Variants in OGDHL observed in about 807,000 individuals in gnomAD.
OGDHL encodes 2-oxoglutarate dehydrogenase-like, mitochondrial.
Under a neutral mutation model 109.6 loss-of-function variants are expected in OGDHL, and 79 were observed. The observed-to-expected ratio is 0.72, with a 90% CI of 0.60 to 0.87. OGDHL has a LOEUF of 0.87. OGDHL is among the 40% of genes least tolerant of loss of function. OGDHL has a pLI of 0.00. For missense variants in OGDHL, 1,275 were observed against 1,362.2 expected, an observed-to-expected ratio of 0.94 and a Z score of 1.01; for synonymous variants, 528 against 537.2, an observed-to-expected ratio of 0.98 and a Z score of 0.24.
chr10:49,737,939 A>T lies in OGDHL; in HGVS notation c.2517+8T>A. ...GCCTGTGACCCCTGCCCTGGGACGG[A>T]GACTCACCGGCTTGCGGAAGGGCAG... On this transcript the variant is annotated splice_region_variant and intron_variant, in intron 19 of 22. Transcript: ENST00000374103. 6.2e-7 allele frequency: 1 copy of T among 1,614,080 alleles called. No homozygotes were observed.
At chr10:49,736,854 G>T (rs1171071475) in intron 20 of OGDHL, among the ~76,000 whole-genome samples, 1 of 152,118 alleles carries the variant, frequency 6.6e-6, no homozygotes, top group Admixed American at 6.5e-5. Context: ...CCTTGCTTCT[G>T]CCCAGCTGCG....
chr10:49,762,089 C>T (rs1221106777), intron 1 of OGDHL, 150 bp downstream of exon 1: 2 of 153,618 alleles, frequency 1.3e-5, no homozygotes, highest in Non-Finnish European at 2.9e-5. Flanking sequence ...ACAGTCTGTT[C>T]CTCCTCCCCC....
In OGDHL at chr10:49,745,407, A is replaced by G; in HGVS notation, c.1566T>C (p.Pro522=). Residue 522 remains proline, a synonymous_variant, in exon 12 of 23, where the codon CCT becomes CCC. Transcript: ENST00000374103. ...GCTTGTCTGCGTACTTCTTCAGCACAGGCACCTGTCTGTGGATCTGCTTGT... is the reference window on the plus strand; with the variant it reads ...GCTTGTCTGCGTACTTCTTCAGCACGGGCACCTGTCTGTGGATCTGCTTGT... The part of the protein sequence containing the change: ...LMYKQIHRQV[P]VLKKYADKLI... 1.2e-6 allele frequency: 2 copies of G among 1,614,160 alleles called. No homozygotes were observed. The highest frequency in any genetic ancestry group is 1.7e-6 in the Non-Finnish European group (2 of 1,180,028).
At chr10:49,748,894 G>C (rs1842393443) in intron 8 of OGDHL, among the ~76,000 whole-genome samples, 1 of 152,140 alleles carries the variant, frequency 6.6e-6, no homozygotes, top group African/African-American at 2.4e-5. Flanking sequence ...CGAAAGGGAA[G>C]ATGGGCAGGA....
Position 49,734,907 on chromosome 10 carries a change from G to A in OGDHL, c.*321C>T, listed in dbSNP as rs553161215. ...CAGCCAGGGCTGCCGGGATGGGAGC[G>A]GCCACAGACACAGGCCCCCGGGTGT... On this transcript the variant is annotated 3_prime_UTR_variant, in exon 23 of 23. Transcript: ENST00000374103. The A allele has an allele frequency of 7.6e-4, 150 of 197,552 alleles. 4 individuals carry two copies. In the East Asian group the frequency reaches 0.019, roughly 25 times the overall value. The allele number at this position is 197,552 out of a possible 1,614,324, so 12.2% of individuals were successfully genotyped here.
rs377624854 is a variant in OGDHL at position 49,739,712 on chromosome 10, C to A, written c.2268G>T (p.Trp756Cys). ...DQFISTGQAKWVRHNGIVLLL... is the reference protein window; with the variant it reads ...DQFISTGQAKCVRHNGIVLLL... ...GCAGCACAATGCCATTATGCCGCAC[C>A]CACTTGGCCTGGCCGGTGCTGATGA... Residue 756 changes from tryptophan to cysteine, a missense_variant, in exon 17 of 23, where the codon TGG (tryptophan) becomes TGT (cysteine). Transcript: ENST00000374103. 2 of 1,614,000 alleles carry A rather than the reference C, an allele frequency of 1.2e-6. No homozygotes were observed. The highest frequency in any genetic ancestry group is 1.7e-6 in the Non-Finnish European group (2 of 1,179,984).
intron 11 of OGDHL, 26 bp from the exon 12 acceptor site, chr10:49,745,522 G>A (rs374631622): frequency 6.4e-4 from 1,033 of 1,612,578 alleles, no homozygotes; most frequent in Non-Finnish European, 8.5e-4. Flanking sequence ...GAGGGGCTCA[G>A]GCCCTTCCCT....
intron 12 of OGDHL, 123 bp downstream of exon 12, chr10:49,745,221 G>C: frequency 2.3e-6 from 3 of 1,278,242 alleles, no homozygotes; most frequent in Non-Finnish European, 3.2e-6. Context: ...TTGGGGACAA[G>C]GACCATAGTG....
At chr10:49,761,924 G>C (rs1174245866) in intron 1 of OGDHL, among the ~76,000 whole-genome samples, 1 of 152,186 alleles carries the variant, frequency 6.6e-6, no homozygotes, top group Non-Finnish European at 1.5e-5. Flanking sequence ...CCCTGGCCAC[G>C]GAAGGCGCGG....
At chr10:49,744,157 A>C in intron 13 of OGDHL, 35 bp from the exon 14 acceptor site, 1 of 1,609,404 alleles carries the variant, frequency 6.2e-7, no homozygotes, top group Non-Finnish European at 8.5e-7. Context: ...ACACTGTGTC[A>C]GTGGTGGGTT....
rs766564959 is a variant in OGDHL, at chr10:49,736,459, C to G, written c.2652G>C (p.Val884=). The part of the protein sequence containing the change: ...DGAAARAPEQ[V]QRLIFCTGKV... ...TTCCCGTGCAGAAGATGAGCCGCTG[C>G]ACCTGCTCAGGGGCCCGTGCTGCGG... Residue 884 remains valine, a synonymous_variant, in exon 21 of 23, where the codon GTG becomes GTC. Coordinates refer to ENST00000374103, the MANE Select transcript of OGDHL (RefSeq NM_018245.3). 6.2e-7 allele frequency: 1 copy of G among 1,614,034 alleles called. No homozygotes were observed. The highest frequency in any genetic ancestry group is 8.5e-7 in the Non-Finnish European group (1 of 1,180,024).
At chr10:49,738,753 C>T (rs1294895655) in intron 17 of OGDHL, 1 of 181,492 alleles carries the variant, frequency 5.5e-6, no homozygotes, top group Admixed American at 5.4e-5. Context: ...CCTCGCCCAC[C>T]CTCACCCACA....
intron 22 of OGDHL, among the ~76,000 whole-genome samples, chr10:49,735,602 A>C (rs1268207012): frequency 6.6e-6 from 1 of 152,238 alleles, no homozygotes; most frequent in Non-Finnish European, 1.5e-5. Context: ...ACAACAAATG[A>C]GGCAACAACT....
chr10:49,744,499 G>A (rs776689257), intron 13 of OGDHL, 151 bp downstream of exon 13: 9 of 640,196 alleles, frequency 1.4e-5, no homozygotes, highest in East Asian at 5.5e-5. Flanking sequence ...TGCAGGAATC[G>A]GCCCCACGCA....
rs11593563 is a variant in OGDHL, at chr10:49,738,685, G to T, written c.2320-423C>A. 6.7e-3 allele frequency: 1,354 copies of T among 201,244 alleles called. 7 individuals carry two copies. The highest frequency in any genetic ancestry group is 0.011 in the Middle Eastern group (5 of 452). 12.5% of individuals were successfully genotyped at this position (201,244 alleles called of 1,614,324 possible). The stretch of plus-strand genomic sequence containing the variant: ...TGCACAGATGAAGAGGCAAGGAGAG[G>T]GTAAGAAACCACCCATGACCACACA... On this transcript the variant is annotated intron_variant, in intron 17 of 22. Transcript: ENST00000374103.
chr10:49,751,855 G>C lies in OGDHL; in HGVS notation c.721C>G (p.Leu241Val). 1 of 1,614,094 alleles carries C rather than the reference G, an allele frequency of 6.2e-7. No individual in the cohort carries two copies. Among genetic ancestry groups the C allele is most frequent in the African/African-American group, 1.3e-5 (1 of 75,044 alleles). Residue 241 changes from leucine (L) to valine (V), a missense_variant, in exon 6 of 23, where the codon CTG becomes GTG. Leu to Val is a conservative substitution (Grantham distance 32). Coordinates refer to ENST00000374103, the MANE Select transcript of OGDHL (RefSeq NM_018245.3). Reference sequence around the variant, plus strand: ...ATGGAGCGCACTAGCCGGGCCAGCAGGGTCCGCTTCTCCTCGCTGGAGAAC... The same window carrying C: ...ATGGAGCGCACTAGCCGGGCCAGCACGGTCCGCTTCTCCTCGCTGGAGAAC... ...MQFSSEEKRT[L>V]LARLVRSMRF...
chr10:49,735,713 A>AT, intron 22 of OGDHL, among the ~76,000 whole-genome samples: 2 of 152,336 alleles, frequency 1.3e-5, no homozygotes, highest in Admixed American at 1.3e-4. Flanking sequence ...GGAACGCACC[A>AT]TGTGCCAGAG....
intron 11 of OGDHL, 81 bp from the exon 12 acceptor site, chr10:49,745,577 G>A (rs1842119687): frequency 1.3e-6 from 2 of 1,562,602 alleles, no homozygotes; most frequent in Non-Finnish European, 1.7e-6. Flanking sequence ...GGGAATATCT[G>A]GGTAGGGCAC....
chr10:49,757,566 T>G (rs1328750260), intron 2 of OGDHL, among the ~76,000 whole-genome samples: 1 of 152,160 alleles, frequency 6.6e-6, no homozygotes, highest in East Asian at 1.9e-4. Context: ...TGTAAGATGA[T>G]GCACTGCAGC....
Sources: gnomAD v4.1 joint callset for allele counts (sites outside exome capture counted in the v4.1 genomes callset) on GRCh38, gnomAD v4.1.1 for gene constraint, MANE v1.5 for transcripts, NCBI Gene and HGNC (gene_info 2026-07-23, HGNC 2026-07-21) for gene names.